Variants in VPS50 observed in about 807,000 individuals in gnomAD.
VPS50 encodes the protein VPS50 subunit of EARP/GARPII complex, also known as syndetin.
A neutral mutation model predicts 139.7 loss-of-function variants in VPS50; 70 were observed. The observed-to-expected ratio is 0.50, with a 90% CI of 0.41 to 0.61. The LOEUF is 0.61. Ranked by LOEUF, VPS50 falls within the 20% of genes least tolerant of loss-of-function variation. The probability of loss-of-function intolerance (pLI) is 0.00; values close to 1 mark genes in which losing one functional copy is unlikely to be tolerated. For missense variants in VPS50, 921 were observed against 1,133.7 expected, an observed-to-expected ratio of 0.81 and a Z score of 2.69; for synonymous variants, 365 against 376.7, an observed-to-expected ratio of 0.97 and a Z score of 0.36.
intron 20 of VPS50, 24 bp from the exon 21 acceptor site, chr7:93,323,587 T>C: frequency 3.7e-6 from 4 of 1,093,862 alleles, no homozygotes; most frequent in Non-Finnish European, 3.7e-6. Context: ...TTCTGCTTAA[T>C]TTTTTATTCT....
chr7:93,296,632 T>G (rs1796819459), intron 14 of VPS50, 110 bp from the exon 15 acceptor site: 1 of 1,482,914 alleles, frequency 6.7e-7, no homozygotes, highest in African/African-American at 1.4e-5. Flanking sequence ...GTTAACAAAT[T>G]AGGAATATAT....
chr7:93,353,534 T>C, intron 25 of VPS50, 106 bp from the exon 26 acceptor site: 1 of 1,276,038 alleles, frequency 7.8e-7, no homozygotes, highest in Admixed American at 2.3e-5. Flanking sequence ...TTTTACTTGG[T>C]TTGATTCTGA....
At chr7:93,333,312 T>C (rs1164439305) in intron 21 of VPS50, among the ~76,000 whole-genome samples, 2 of 152,168 alleles carry the variant, frequency 1.3e-5, no homozygotes, top group Non-Finnish European at 2.9e-5. Context: ...TAAATGTTCA[T>C]GTATGCTTGT....
intron 1 of VPS50, among the ~76,000 whole-genome samples, chr7:93,235,961 A>T (rs1239735630): frequency 1.3e-5 from 2 of 152,186 alleles, no homozygotes; most frequent in Non-Finnish European, 2.9e-5. Context: ...CAGTGTTAAA[A>T]ACTCAGGGGG....
At chr7:93,278,964 T>A (rs1796245045) in intron 12 of VPS50, among the ~76,000 whole-genome samples, 1 of 152,142 alleles carries the variant, frequency 6.6e-6, no homozygotes, top group South Asian at 2.1e-4. Context: ...GCTAAAACAT[T>A]AGTTGAAGTA....
At chr7:93,254,785 T>C (rs1795439282) in intron 4 of VPS50, among the ~76,000 whole-genome samples, 1 of 152,244 alleles carries the variant, frequency 6.6e-6, no homozygotes, top group African/African-American at 2.4e-5. Context: ...ATTCAAACTC[T>C]ACTGTAGGGA....
chr7:93,329,128 T>G (rs551542176), intron 21 of VPS50, among the ~76,000 whole-genome samples: 1 of 151,504 alleles, frequency 6.6e-6, no homozygotes, highest in African/African-American at 2.4e-5. Context: ...CTAGTTTAAC[T>G]CTAAGATATT....
Position 93,249,488 on chromosome 7 carries a change from A to G in VPS50, c.103-3165A>G, listed in dbSNP as rs750580132. On this transcript the variant is annotated intron_variant, in intron 2 of 27. Transcript: ENST00000305866. ...ATATGGAGAACCTCAGCATGGTGTT[A>G]TATGTCATTGACATTTATGCTTTTA... Among the ~76,000 whole-genome samples the G allele has an allele frequency of 5.1e-4, 77 of 152,134 alleles. 1 individual carries two copies. The highest frequency in any genetic ancestry group is 3.1e-4 in the Non-Finnish European group (21 of 68,012).
At chr7:93,276,057 T>C in intron 11 of VPS50, 108 bp from the exon 12 acceptor site, 1 of 1,018,626 alleles carries the variant, frequency 9.8e-7, no homozygotes, top group Non-Finnish European at 1.4e-6. Flanking sequence ...ATTATCTTTG[T>C]GTTGTAACTA....
chr7:93,340,763 C>T (rs888634773), intron 22 of VPS50: 5 of 152,140 alleles, frequency 3.3e-5, no homozygotes, highest in African/African-American at 9.7e-5. Context: ...TGAGTTTTCC[C>T]GACCACAAAT....
At chr7:93,311,362 A>C in intron 20 of VPS50, 90 bp downstream of exon 20, 1 of 716,308 alleles carries the variant, frequency 1.4e-6, no homozygotes, top group South Asian at 1.6e-5. Context: ...TGTCTTGTAT[A>C]CTCCAGTGCT....
intron 25 of VPS50, among the ~76,000 whole-genome samples, chr7:93,350,796 T>C (rs1269403226): frequency 6.6e-6 from 1 of 152,138 alleles, no homozygotes; most frequent in African/African-American, 2.4e-5. Flanking sequence ...AAGGTGAGAC[T>C]GGAGATGAGG....
intron 2 of VPS50, among the ~76,000 whole-genome samples, chr7:93,250,557 A>C (rs1472289300): frequency 1.3e-5 from 2 of 152,202 alleles, no homozygotes; most frequent in African/African-American, 2.4e-5. Context: ...GATGGATTAA[A>C]GACTTAAATG....
rs771935998 is a variant in VPS50 at position 93,259,574 on chromosome 7, C to G, written c.601C>G (p.Gln201Glu). The change falls in exon 9 of 28, where the codon CAG becomes GAG. Residue 201 changes from glutamine (Q) to glutamate (E), a missense_variant. Coordinates refer to ENST00000305866, the MANE Select transcript of VPS50 (RefSeq NM_017667.4). Reference protein sequence around the residue: ...LEEEDYPGAIQLCLECQKAAS... With the variant: ...LEEEDYPGAIELCLECQKAAS... ...GGAGGAAGATTATCCAGGAGCTATT[C>G]AGTTGTGCCTTGAATGTCAAAAAGC... 1.3e-6 allele frequency: 2 copies of G among 1,591,440 alleles called. No individual in the cohort carries two copies. The highest frequency in any genetic ancestry group is 1.7e-6 in the Non-Finnish European group (2 of 1,160,102).
chr7:93,322,365 C>T (rs548860572), intron 20 of VPS50, among the ~76,000 whole-genome samples: 3 of 151,872 alleles, frequency 2.0e-5, no homozygotes, highest in Non-Finnish European at 4.4e-5. Context: ...TTTGGGAGGC[C>T]GAGGCGGGCG....
At chr7:93,343,510 C>A (rs1378961806) in intron 23 of VPS50, among the ~76,000 whole-genome samples, 11 of 152,220 alleles carry the variant, frequency 7.2e-5, no homozygotes, top group African/African-American at 9.6e-5. Context: ...TCGAGAAGAG[C>A]AACACCAAGA....
At chr7:93,324,756 A>G (rs1797719340) in intron 21 of VPS50, among the ~76,000 whole-genome samples, 1 of 152,186 alleles carries the variant, frequency 6.6e-6, no homozygotes, top group South Asian at 2.1e-4. Flanking sequence ...GGACCTCTTC[A>G]AGGAGAACTA....
chr7:93,297,129 CT>C lies in VPS50; in HGVS notation c.1263-11del, dbSNP rs35632431. ...GGCTGCTGCTGAAATTTACTGAAAC[CT>C]TTTTATCCAACTAGGTTGATGCAAG... On this transcript the variant is annotated splice_polypyrimidine_tract_variant and intron_variant, in intron 15 of 27. Coordinates refer to ENST00000305866, the MANE Select transcript of VPS50 (RefSeq NM_017667.4). The C allele has an allele frequency of 6.4e-7, 1 of 1,551,628 alleles. No individual in the cohort carries two copies.
At chr7:93,312,131 C>T (rs924482651) in intron 20 of VPS50, among the ~76,000 whole-genome samples, 15 of 152,142 alleles carry the variant, frequency 9.9e-5, no homozygotes, top group East Asian at 3.9e-4. Context: ...TTAGGAGTCA[C>T]GGTTTCTCTA....
Sources: allele counts gnomAD v4.1 joint callset (sites outside exome capture counted in the v4.1 genomes callset), GRCh38; gene constraint gnomAD v4.1.1; transcripts MANE v1.5; gene names NCBI Gene and HGNC (gene_info 2026-07-23, HGNC 2026-07-21).